Variants in C11orf97 observed in about 807,000 individuals in gnomAD.
C11orf97 encodes chromosome 11 open reading frame 97, also known as uncharacterized protein C11orf97.
C11orf97 carries 15 observed loss-of-function variants against 16.2 expected under a neutral mutation model. The observed-to-expected ratio is 0.93, with a 90% CI of 0.62 to 1.43. The LOEUF (loss-of-function observed/expected upper bound fraction) is 1.43. Ranked by LOEUF, C11orf97 falls within the 40% of genes most tolerant of loss-of-function variation. The pLI is 0.00. For synonymous variants in C11orf97, 61 were observed against 65.7 expected (o/e 0.93, Z 0.34); for missense variants, 171 against 161.2 (o/e 1.06, Z -0.33).
intron 2 of C11orf97, among the ~76,000 whole-genome samples, chr11:94,524,581 A>C (rs1229941170): frequency 1.2e-5 from 1 of 83,088 alleles, no homozygotes; most frequent in East Asian, 3.8e-4. Context: ...GGTTAACCTC[A>C]TCCTGAAAAA....
Position 94,525,183 on chromosome 11 carries a change from A to G in C11orf97, c.251-2901A>G, listed in dbSNP as rs183716753. ...AACTATTTCTGCATTTCTATTCTATAAAGGACTTTGCAGAAATAAAGTGAT... is the reference window on the plus strand; with the variant it reads ...AACTATTTCTGCATTTCTATTCTATGAAGGACTTTGCAGAAATAAAGTGAT... On this transcript the variant is annotated intron_variant, in intron 2 of 3. Coordinates refer to ENST00000542198, the MANE Select transcript of C11orf97 (RefSeq NM_001190462.2). 2.8e-3 allele frequency among the ~76,000 whole-genome samples: 426 copies of G among 152,330 alleles called. 2 individuals are homozygous for G. Among genetic ancestry groups the G allele is most frequent in the African/African-American group, 9.9e-3 (411 of 41,582 alleles).
At chr11:94,525,192 T>G (rs575421152) in intron 2 of C11orf97, among the ~76,000 whole-genome samples, 21 of 152,218 alleles carry the variant, frequency 1.4e-4, no homozygotes, top group African/African-American at 5.1e-4. Context: ...TAAAGGACTT[T>G]GCAGAAATAA....
chr11:94,523,556 C>T (rs991663190), intron 2 of C11orf97, among the ~76,000 whole-genome samples: 1 of 152,060 alleles, frequency 6.6e-6, no homozygotes, highest in Admixed American at 6.6e-5. Flanking sequence ...AATTATAGCA[C>T]GTTTTATTTT....
At chr11:94,519,560 C>A (rs1947640092) in intron 2 of C11orf97, among the ~76,000 whole-genome samples, 1 of 152,164 alleles carries the variant, frequency 6.6e-6, no homozygotes, top group East Asian at 1.9e-4. Flanking sequence ...GTGAGACAGT[C>A]TGAGTGAATA....
At chr11:94,520,315 T>C (rs1185691185) in intron 2 of C11orf97, among the ~76,000 whole-genome samples, 2 of 152,144 alleles carry the variant, frequency 1.3e-5, no homozygotes, top group Non-Finnish European at 2.9e-5. Context: ...ATGCTCCAAT[T>C]TCCTGGTTTT....
chr11:94,528,774 T>C (rs1210688401), intron 3 of C11orf97, among the ~76,000 whole-genome samples: 1 of 152,164 alleles, frequency 6.6e-6, no homozygotes, highest in Non-Finnish European at 1.5e-5. Flanking sequence ...TAGCAGGATG[T>C]GGGGAAGACA....
Position 94,532,008 on chromosome 11 carries a change from T to C in C11orf97, c.*108T>C. On this transcript the variant is annotated 3_prime_UTR_variant, in exon 4 of 4. Coordinates refer to ENST00000542198, the MANE Select transcript of C11orf97 (RefSeq NM_001190462.2). The stretch of plus-strand genomic sequence containing the variant: ...ATTTAAGATGTGTGCAAAAAAATGA[T>C]AGCCTGTAATTACTATTATTGGTAT... 1 of 839,354 alleles carries C rather than the reference T, an allele frequency of 1.2e-6. No individual in the cohort carries two copies. The highest frequency in any genetic ancestry group is 1.7e-6 in the Non-Finnish European group (1 of 582,746). 52.0% of individuals were successfully genotyped at this position (839,354 alleles called of 1,614,324 possible).
chr11:94,529,344 A>G (rs1223343230), intron 3 of C11orf97, among the ~76,000 whole-genome samples: 1 of 152,204 alleles, frequency 6.6e-6, no homozygotes, highest in Non-Finnish European at 1.5e-5. Flanking sequence ...TACAGCCACT[A>G]AGAAACTGAA....
intron 1 of C11orf97, 132 bp from the exon 2 acceptor site, chr11:94,517,451 C>T: frequency 2.1e-6 from 1 of 479,140 alleles, no homozygotes; most frequent in Non-Finnish European, 3.5e-6. Context: ...ATAGAGCCTT[C>T]AGGGCAAATT....
At chr11:94,526,203 A>G (rs896584514) in intron 2 of C11orf97, among the ~76,000 whole-genome samples, 9 of 152,178 alleles carry the variant, frequency 5.9e-5, no homozygotes, top group Admixed American at 2.0e-4. Context: ...GCTGCCTCAG[A>G]GAGCACCCAT....
At chr11:94,518,038 A>G (rs2509321) in intron 2 of C11orf97, among the ~76,000 whole-genome samples, 87,549 of 151,108 alleles carry the variant, frequency 0.58, 25,658 homozygotes, top group African/African-American at 0.63. Context: ...AGTCCCAGCT[A>G]CTCGGGAGGC....
intron 3 of C11orf97, among the ~76,000 whole-genome samples, chr11:94,529,186 ACTGCATCTCTGAGCCAAGTGC>A: frequency 6.6e-6 from 1 of 152,176 alleles, no homozygotes; most frequent in Non-Finnish European, 1.5e-5. Flanking sequence ...ACTAGACACT[ACTGCATCTCTGAGCCAAGTGC>A]CCACGAGCTA....
intron 2 of C11orf97, among the ~76,000 whole-genome samples, chr11:94,518,372 A>T (rs1229908440): frequency 6.6e-6 from 1 of 151,400 alleles, no homozygotes; most frequent in African/African-American, 2.4e-5. Context: ...CAGATTGCTG[A>T]GCCCTACCCC....
intron 2 of C11orf97, among the ~76,000 whole-genome samples, chr11:94,525,414 T>C (rs1947692244): frequency 1.3e-5 from 2 of 152,372 alleles, no homozygotes; most frequent in South Asian, 4.1e-4. Flanking sequence ...GTAAACTTAA[T>C]TTTGAATCCA....
In C11orf97 at chr11:94,517,668, C is replaced by T; in HGVS notation, c.231C>T (p.His77=). The T allele has an allele frequency of 6.6e-7, 1 of 1,525,982 alleles. No individual in the cohort carries two copies. The highest frequency in any genetic ancestry group is 1.2e-5 in the South Asian group (1 of 81,538). The allele number at this position is 1,525,982 out of a possible 1,614,324, so 94.5% of individuals were successfully genotyped here. A position where few individuals can be genotyped will look rare whatever the true frequency, so the allele number is the denominator to read the frequency against. ...EERHIKRDEC[H]IKNPAAVALE... ...GTCATATTAAGAGAGATGAATGCCA[C>T]ATTAAAAATCCAGCTGCAGGTAATC... The change falls in exon 2 of 4, where the codon CAC becomes CAT. Residue 77 remains histidine, a synonymous_variant. Transcript: ENST00000542198.
intron 2 of C11orf97, among the ~76,000 whole-genome samples, chr11:94,519,012 G>A (rs185532184): frequency 7.6e-4 from 115 of 151,930 alleles, no homozygotes; most frequent in South Asian, 4.2e-3. Flanking sequence ...GGGTTCAAGC[G>A]ATTCTTCTGC....
rs60740931 is a variant in C11orf97, at chr11:94,531,877, CT to C, written c.377-9del. 0.25 allele frequency: 317,424 copies of C among 1,267,414 alleles called. 34,264 individuals are homozygous for C. The highest frequency in any genetic ancestry group is 0.41 in the African/African-American group (26,729 of 64,654). 78.5% of individuals were successfully genotyped at this position (1,267,414 alleles called of 1,614,324 possible). ...CCGAAGTAAAACACTTATTTTTTCA[CT>C]TTTTTTTTTAACTCTAGGATAAGAT... On this transcript the variant is annotated intron_variant, in intron 3 of 3. Transcript: ENST00000542198.
chr11:94,519,821 C>G lies in C11orf97; in HGVS notation c.250+2134C>G, dbSNP rs896660084. On this transcript the variant is annotated intron_variant, in intron 2 of 3. Transcript: ENST00000542198. ...TATATCATGGCTAGAAGCCACATAC[C>G]ATTGGCCAGAACAGAGAATTAGCAT... Among the ~76,000 whole-genome samples, 9 of 152,216 alleles carry G rather than the reference C, an allele frequency of 5.9e-5. 1 individual carries two copies. The highest frequency in any genetic ancestry group is 1.0e-4 in the Non-Finnish European group (7 of 68,042).
rs142732519 is a variant in C11orf97, at chr11:94,515,786, C to G, written c.146-1797C>G. On this transcript the variant is annotated intron_variant, in intron 1 of 3. Transcript: ENST00000542198. Reference sequence around the variant, plus strand: ...TTCTCCTGAGCAGGAGATATTTACCCGTACTAGCTCCTTAGTACTCTCCCA... The same window carrying G: ...TTCTCCTGAGCAGGAGATATTTACCGGTACTAGCTCCTTAGTACTCTCCCA... 1.1e-4 allele frequency among the ~76,000 whole-genome samples: 17 copies of G among 151,924 alleles called. No individual in the cohort carries two copies. In the East Asian group the frequency reaches 3.1e-3, roughly 28 times the overall value.
Sources: gnomAD v4.1 joint callset for allele counts (sites outside exome capture counted in the v4.1 genomes callset) on GRCh38, gnomAD v4.1.1 for gene constraint, MANE v1.5 for transcripts, NCBI Gene and HGNC (gene_info 2026-07-23, HGNC 2026-07-21) for gene names.